DDX23: variants seen among roughly 807,000 people sequenced by gnomAD.
DDX23 encodes the protein DEAD-box helicase 23, also known as probable ATP-dependent RNA helicase DDX23.
In DDX23, 33 loss-of-function variants were observed where a neutral mutation model predicts 102.7. The observed-to-expected ratio is 0.32, with a 90% CI of 0.24 to 0.43. The LOEUF (loss-of-function observed/expected upper bound fraction) is 0.43. Among genes scored for constraint, DDX23 ranks in the 20% least tolerant of loss-of-function variants. The probability of loss-of-function intolerance (pLI) is 1.00; values close to 1 mark genes in which losing one functional copy is unlikely to be tolerated. For missense variants in DDX23, 549 were observed against 1,086.6 expected (o/e 0.51, Z 6.96); for synonymous variants, 352 against 376.0 (o/e 0.94, Z 0.74).
rs753782679 is a variant in DDX23 at position 48,845,746 on chromosome 12, C to T, written c.37G>A (p.Ala13Thr). 1.9e-6 allele frequency: 3 copies of T among 1,614,200 alleles called. No homozygotes were observed. Among genetic ancestry groups the T allele is most frequent in the South Asian group, 2.2e-5 (2 of 91,090 alleles). Residue 13 changes from alanine (A) to threonine (T), a missense_variant, in exon 2 of 17, where the codon GCA becomes ACA. Ala to Thr is a moderately conservative substitution (Grantham distance 58, BLOSUM62 0). This residue lies in a region of DDX23 where 241 missense variants were observed against 267.0 expected (regional missense o/e 0.90). Transcript: ENST00000308025. ...GELADKKDRD[A>T]SPSKEERKRS... ...TTCCTTTCCTCCTTGGAAGGTGATG[C>T]ATCACGGTCCTTTTTGTCAGCCAGC...
At chr12:48,851,404 C>G (rs1938755658) in intron 1 of DDX23, among the ~76,000 whole-genome samples, 1 of 151,380 alleles carries the variant, frequency 6.6e-6, no homozygotes, top group South Asian at 2.1e-4. Context: ...ACCCGGGAGG[C>G]GGAGGTTGCA....
intron 1 of DDX23, among the ~76,000 whole-genome samples, chr12:48,848,751 ATTTT>A (rs71080156): frequency 1.5e-5 from 2 of 133,750 alleles, no homozygotes; most frequent in Non-Finnish European, 3.2e-5. Context: ...CACCTGACTA[ATTTT>A]TTTTTTTTTT....
chr12:48,844,501 A>G (rs964398274), intron 2 of DDX23, among the ~76,000 whole-genome samples: 1 of 150,512 alleles, frequency 6.6e-6, no homozygotes, highest in Non-Finnish European at 1.5e-5. Context: ...CTGCTCTCAA[A>G]CTCCTCACCT....
chr12:48,842,644 C>A (rs1938584603), intron 3 of DDX23, among the ~76,000 whole-genome samples: 1 of 150,890 alleles, frequency 6.6e-6, no homozygotes, highest in African/African-American at 2.4e-5. Context: ...GCCCCTCTGC[C>A]CGGCCAGCCG....
intron 2 of DDX23, 38 bp downstream of exon 2, chr12:48,845,536 T>C: frequency 3.7e-6 from 6 of 1,608,896 alleles, no homozygotes; most frequent in East Asian, 2.2e-5. Flanking sequence ...TGAAACGTAC[T>C]CTCCCTTCCC....
At chr12:48,845,822 C>G in intron 1 of DDX23, 40 bp from the exon 2 acceptor site, 1 of 1,585,562 alleles carries the variant, frequency 6.3e-7, no homozygotes, top group Non-Finnish European at 8.6e-7. Context: ...GTACTAGGCA[C>G]TGCTCTAAAC....
Position 48,832,296 on chromosome 12 carries a change from C to G in DDX23, c.1956-110G>C. On this transcript the variant is annotated intron_variant, in intron 14 of 16. Transcript: ENST00000308025. This position sits in a 1 kb window ranked among gnomAD's most constrained non-coding sequence, Gnocchi z 4.4. ...CAGGGTCTTTAATGCCCATGACATTCTGCCCAAGAAAACAGCAGCTCTTCA... is the reference window on the plus strand; with the variant it reads ...CAGGGTCTTTAATGCCCATGACATTGTGCCCAAGAAAACAGCAGCTCTTCA... 2 of 1,549,900 alleles carry G rather than the reference C, an allele frequency of 1.3e-6. No homozygotes were observed. The highest frequency in any genetic ancestry group is 1.8e-6 in the Non-Finnish European group (2 of 1,132,542).
chr12:48,836,518 A>G lies in DDX23; in HGVS notation c.1236+51T>C. ...CAAGGAACAAAGTTCTCTATTCCCA[A>G]ACTAGTGTAGGAACATGTCAGATCT... On this transcript the variant is annotated intron_variant, in intron 10 of 16. Transcript: ENST00000308025. The surrounding 1 kb of genome is among the most constrained non-coding windows in gnomAD (Gnocchi z 6.1). 2.6e-6 allele frequency: 4 copies of G among 1,560,534 alleles called. No homozygotes were observed. The highest frequency in any genetic ancestry group is 1.7e-5 in the Admixed American group (1 of 58,886).
At chr12:48,834,690 T>A in intron 11 of DDX23, 193 bp from the exon 12 acceptor site, 1 of 510,242 alleles carries the variant, frequency 2.0e-6, no homozygotes, top group Non-Finnish European at 3.4e-6. Flanking sequence ...TCCCAGAACT[T>A]TGGGAGGCTG....
chr12:48,847,834 T>TA (rs1210291064), intron 1 of DDX23, among the ~76,000 whole-genome samples: 1 of 150,280 alleles, frequency 6.7e-6, no homozygotes, highest in East Asian at 2.0e-4. Flanking sequence ...AAATAAAAAA[T>TA]AAAAAAAACA....
At chr12:48,846,880 A>G (rs1366991256) in intron 1 of DDX23, among the ~76,000 whole-genome samples, 1 of 151,816 alleles carries the variant, frequency 6.6e-6, no homozygotes, top group East Asian at 1.9e-4. Context: ...CACACTGTCA[A>G]CTCTTCTTTG....
rs746925603 is a variant in DDX23, at chr12:48,830,705, A to AAG, written c.2240-15_2240-14dup. 27 of 1,592,952 alleles carry AAG rather than the reference A, an allele frequency of 1.7e-5. No individual in the cohort carries two copies. The highest frequency in any genetic ancestry group is 1.2e-4 in the Admixed American group (7 of 58,674). On this transcript the variant is annotated splice_polypyrimidine_tract_variant and intron_variant, in intron 16 of 16. Coordinates refer to ENST00000308025, the MANE Select transcript of DDX23 (RefSeq NM_004818.3). This position sits in a 1 kb window ranked among gnomAD's most constrained non-coding sequence, Gnocchi z 4.9. ...CGGTGGATGTAATCTGGGGAATGGG[A>AAG]AGAACGTCACTCAGCATAGCCCAGA...
rs571679479 is a variant in DDX23 at position 48,847,393 on chromosome 12, T to C, written c.1-1611A>G. 3 of 151,790 alleles carry C rather than the reference T, an allele frequency of 2.0e-5. No individual in the cohort carries two copies. The East Asian group carries it at 5.8e-4, about 29-fold the overall frequency. 9.4% of individuals were successfully genotyped at this position (151,790 alleles called of 1,614,324 possible). A position where few individuals can be genotyped will look rare whatever the true frequency, so the allele number is the denominator to read the frequency against. On this transcript the variant is annotated intron_variant, in intron 1 of 16. Transcript: ENST00000308025. ...AGCCAGGCATGGTGGCACGTGCCTGTAGTCCCAGCTACTCAGGAGGCTGAC... is the reference window on the plus strand; with the variant it reads ...AGCCAGGCATGGTGGCACGTGCCTGCAGTCCCAGCTACTCAGGAGGCTGAC...
intron 1 of DDX23, among the ~76,000 whole-genome samples, chr12:48,848,626 G>A (rs187610004): frequency 7.2e-5 from 11 of 152,202 alleles, no homozygotes; most frequent in African/African-American, 1.2e-4. Context: ...ACCCTCTCAC[G>A]CAAGATGGAG....
At chr12:48,831,684 C>T (rs1938389809) in intron 15 of DDX23, 1 of 426,280 alleles carries the variant, frequency 2.3e-6, no homozygotes. Flanking sequence ...ACACCCCTCC[C>T]CTCAAGCACC....
chr12:48,841,919 C>T (rs1185477184), intron 3 of DDX23, among the ~76,000 whole-genome samples: 6 of 152,112 alleles, frequency 3.9e-5, no homozygotes, highest in Admixed American at 6.5e-5. Context: ...TGCCAGGCCG[C>T]CCATCGTCTG....
chr12:48,831,861 C>T, intron 15 of DDX23: 1 of 579,654 alleles, frequency 1.7e-6, no homozygotes, highest in Non-Finnish European at 3.1e-6. Flanking sequence ...AGACCCAAGG[C>T]AGCTTTGGCT....
Position 48,845,714 on chromosome 12 carries a change from T to C in DDX23, c.69A>G (p.Ser23=), listed in dbSNP as rs763554389. 1 of 1,614,240 alleles carries C rather than the reference T, an allele frequency of 6.2e-7. No homozygotes were observed. Among genetic ancestry groups the C allele is most frequent in the East Asian group, 2.2e-5 (1 of 44,884 alleles). The change falls in exon 2 of 17, where the codon TCA becomes TCG. Residue 23 remains serine (S), a synonymous_variant. Coordinates refer to ENST00000308025, the MANE Select transcript of DDX23 (RefSeq NM_004818.3). Reference sequence around the variant, plus strand: ...TATCCCGCTCTCTGTCAGGAGTCCGTGATCGCTTCCTTTCCTCCTTGGAAG... The same window carrying C: ...TATCCCGCTCTCTGTCAGGAGTCCGCGATCGCTTCCTTTCCTCCTTGGAAG... ...ASPSKEERKR[S]RTPDRERDRD...
At position 48,839,955 on chromosome 12, in the gene DDX23, A is replaced by C. The variant is rs1565677212; in HGVS notation, c.415-46T>G. ...TAGTCTATAAAGGCTCTCTCCCTTT[A>C]AAGATCAACAAAGCAACGCACGAGT... On this transcript the variant is annotated intron_variant, in intron 4 of 16. Coordinates refer to ENST00000308025, the MANE Select transcript of DDX23 (RefSeq NM_004818.3). The C allele has an allele frequency of 5.0e-6, 8 of 1,613,464 alleles. No individual in the cohort carries two copies. The East Asian group carries it at 1.8e-4, about 36-fold the overall frequency.
Sources: gnomAD v4.1 joint callset for allele counts (sites outside exome capture counted in the v4.1 genomes callset) on GRCh38, gnomAD v4.1.1 for gene constraint, gnomAD v4.1.1 regional missense constraint, Gnocchi (gnomAD v3.1) non-coding constraint, MANE v1.5 for transcripts, NCBI Gene and HGNC (gene_info 2026-07-23, HGNC 2026-07-21) for gene names.